ABCA5: variants seen among roughly 807,000 people sequenced by gnomAD.
ABCA5 encodes ATP binding cassette subfamily A member 5.
Under a neutral mutation model 206.0 loss-of-function variants are expected in ABCA5, and 163 were observed. The ratio of observed to expected loss-of-function variants is 0.79; its 90% CI spans 0.70 to 0.90. ABCA5 has a LOEUF of 0.90. Ranked by LOEUF, ABCA5 falls within the 40% of genes least tolerant of loss-of-function variation. The pLI, the probability that ABCA5 is intolerant of heterozygous loss-of-function variation, is 0.00. For missense variants in ABCA5, 1,859 were observed against 1,912.9 expected, an observed-to-expected ratio of 0.97 and a Z score of 0.53; for synonymous variants, 609 against 613.8, an observed-to-expected ratio of 0.99 and a Z score of 0.11.
intron 5 of ABCA5, 73 bp from the exon 6 acceptor site, chr17:69,307,027 A>C: frequency 9.3e-7 from 1 of 1,078,618 alleles, no homozygotes; most frequent in Non-Finnish European, 1.3e-6. Flanking sequence ...CGGGACAGCT[A>C]TATCCCTAAA....
In ABCA5 at chr17:69,274,095, C is replaced by G; in HGVS notation, c.2628G>C (p.Gln876His). The G allele has an allele frequency of 1.3e-6, 2 of 1,580,460 alleles. No homozygotes were observed. Among genetic ancestry groups the G allele is most frequent in the Non-Finnish European group, 1.7e-6 (2 of 1,169,850 alleles). The change falls in exon 20 of 39, where the codon CAG (glutamine) becomes CAC (histidine). Residue 876 changes from glutamine (Q) to histidine (H), a missense_variant. Physicochemically the swap from Gln to His is conservative, Grantham distance 24. Coordinates refer to ENST00000392676, the MANE Select transcript of ABCA5 (RefSeq NM_172232.4). ...AGTGATGAACCAAAAACATAAAAAT[C>G]TGAACTGTGAAAAAAATTAAAAGCA... ...LLLLLIFFTV[Q>H]IFMFLVHHSF...
rs768229049 is a variant in ABCA5 at position 69,245,834 on chromosome 17, T to C, written c.*1703A>G. ...GTGCAAAAGCAGGTAATTTTCTTCA[T>C]TAGTCATGCTCTATCTTCAGATGAC... On this transcript the variant is annotated 3_prime_UTR_variant, in exon 39 of 39. Transcript: ENST00000392676. 9.9e-5 allele frequency: 15 copies of C among 152,006 alleles called. No individual in the cohort carries two copies. The highest frequency in any genetic ancestry group is 4.6e-4 in the Admixed American group (7 of 15,260). 9.4% of individuals were successfully genotyped at this position (152,006 alleles called of 1,614,324 possible).
chr17:69,266,600 AAAAAT>A (rs1292769402), intron 23 of ABCA5, among the ~76,000 whole-genome samples: 1 of 147,392 alleles, frequency 6.8e-6, no homozygotes, highest in Admixed American at 6.8e-5. Flanking sequence ...AAAAAAATTA[AAAAAT>A]AAATAAATAA....
intron 24 of ABCA5, among the ~76,000 whole-genome samples, chr17:69,263,115 C>T (rs920611581): frequency 6.6e-6 from 1 of 152,002 alleles, no homozygotes; most frequent in Non-Finnish European, 1.5e-5. Context: ...GTTTAAGTGC[C>T]TTATAGATTC....
intron 23 of ABCA5, 143 bp downstream of exon 23, chr17:69,267,800 T>C (rs2075227385): frequency 6.9e-6 from 3 of 432,934 alleles, no homozygotes; most frequent in Non-Finnish European, 1.3e-5. Flanking sequence ...CTTATTACAA[T>C]AAGAAACTAT....
intron 26 of ABCA5, 22 bp downstream of exon 26, chr17:69,261,103 T>C (rs941744097): frequency 1.3e-6 from 2 of 1,503,688 alleles, no homozygotes; most frequent in Non-Finnish European, 1.8e-6. Context: ...TTTTAACATA[T>C]TAAAATATTT....
intron 22 of ABCA5, among the ~76,000 whole-genome samples, chr17:69,268,544 C>A (rs1388036438): frequency 6.6e-6 from 1 of 151,848 alleles, no homozygotes; most frequent in Admixed American, 6.6e-5. Flanking sequence ...AATTAACTCC[C>A]ACAGGCCCCA....
At chr17:69,278,125 T>A (rs2075353977) in intron 18 of ABCA5, among the ~76,000 whole-genome samples, 1 of 152,104 alleles carries the variant, frequency 6.6e-6, no homozygotes, top group Non-Finnish European at 1.5e-5. Context: ...AAGAACACTA[T>A]TCTATGGAAT....
intron 1 of ABCA5, among the ~76,000 whole-genome samples, chr17:69,315,829 A>T (rs2075811228): frequency 6.6e-6 from 1 of 152,168 alleles, no homozygotes; most frequent in African/African-American, 2.4e-5. Flanking sequence ...AAAATCAAAG[A>T]TACCAATGCT....
chr17:69,306,873 C>G lies in ABCA5; in HGVS notation c.640G>C (p.Asp214His). ...AAAATTACTCCTCGGGGAAAGGTAT[C>G]TATTTCTACAACAGCAGTTTCTCCC... The part of the protein sequence containing the change: ...IMGETAVVEI[D>H]TFPRGVILIY... Residue 214 changes from aspartate (D) to histidine (H), a missense_variant, in exon 6 of 39, where the codon GAT becomes CAT. Physicochemically the swap from Asp to His is moderately conservative, Grantham distance 81. Coordinates refer to ENST00000392676, the MANE Select transcript of ABCA5 (RefSeq NM_172232.4). 1.2e-6 allele frequency: 2 copies of G among 1,601,658 alleles called. No homozygotes were observed. Among genetic ancestry groups the G allele is most frequent in the Non-Finnish European group, 1.7e-6 (2 of 1,173,368 alleles).
intron 19 of ABCA5, among the ~76,000 whole-genome samples, chr17:69,275,065 A>G (rs144015753): frequency 6.6e-6 from 1 of 151,984 alleles, no homozygotes. Flanking sequence ...ACTGGTCTCA[A>G]ACTCCTGGCC....
chr17:69,274,789 T>A (rs1487311661), intron 19 of ABCA5, among the ~76,000 whole-genome samples: 1 of 151,608 alleles, frequency 6.6e-6, no homozygotes, highest in Non-Finnish European at 1.5e-5. Context: ...AATATTTGTC[T>A]CTACTCCTGA....
At chr17:69,282,101 C>T (rs2075400357) in intron 18 of ABCA5, among the ~76,000 whole-genome samples, 1 of 152,216 alleles carries the variant, frequency 6.6e-6, no homozygotes, top group East Asian at 1.9e-4. Flanking sequence ...AAGATCACCA[C>T]TCTTACAGTC....
intron 22 of ABCA5, 138 bp from the exon 23 acceptor site, chr17:69,268,194 C>A: frequency 1.9e-6 from 1 of 537,874 alleles, no homozygotes; most frequent in Non-Finnish European, 3.4e-6. Flanking sequence ...CAGGCATAGT[C>A]TACATGAAAG....
At chr17:69,273,043 TTTGAAAA>T (rs1411475578) in intron 20 of ABCA5, among the ~76,000 whole-genome samples, 1 of 152,178 alleles carries the variant, frequency 6.6e-6, no homozygotes, top group Non-Finnish European at 1.5e-5. Flanking sequence ...CTTTTAATAT[TTTGAAAA>T]TCAGAACACT....
In ABCA5 at chr17:69,306,710, T is replaced by A; in HGVS notation, c.788+15A>T. 3.2e-6 allele frequency: 4 copies of A among 1,256,748 alleles called. No homozygotes were observed. The highest frequency in any genetic ancestry group is 4.2e-6 in the Non-Finnish European group (4 of 956,690). The allele number at this position is 1,256,748 out of a possible 1,614,324, so 77.8% of individuals were successfully genotyped here. A position where few individuals can be genotyped will look rare whatever the true frequency, so the allele number is the denominator to read the frequency against. On this transcript the variant is annotated intron_variant, in intron 6 of 38. Transcript: ENST00000392676. ...ATTTTTAATTATATTAAGTAATAAATTTTTAATAACATACCAAAAGGCAGT... is the reference window on the plus strand; with the variant it reads ...ATTTTTAATTATATTAAGTAATAAAATTTTAATAACATACCAAAAGGCAGT...
chr17:69,266,990 T>C (rs2075216547), intron 23 of ABCA5, among the ~76,000 whole-genome samples: 1 of 152,006 alleles, frequency 6.6e-6, no homozygotes, highest in Non-Finnish European at 1.5e-5. Context: ...TTCTCCTGCC[T>C]CACCCTCCTG....
intron 10 of ABCA5, among the ~76,000 whole-genome samples, chr17:69,294,996 T>C (rs999524753): frequency 1.6e-4 from 24 of 152,202 alleles, no homozygotes; most frequent in African/African-American, 5.3e-4. Context: ...CTACTATTGA[T>C]AAGAAGTCTT....
chr17:69,274,825 A>G (rs1474899245), intron 19 of ABCA5, among the ~76,000 whole-genome samples: 1 of 143,924 alleles, frequency 6.9e-6, no homozygotes, highest in Non-Finnish European at 1.5e-5. Context: ...TCCTGTCTCT[A>G]TCTTAACCAT....
Sources: gnomAD v4.1 joint callset for allele counts (sites outside exome capture counted in the v4.1 genomes callset) on GRCh38, gnomAD v4.1.1 for gene constraint, MANE v1.5 for transcripts, NCBI Gene and HGNC (gene_info 2026-07-23, HGNC 2026-07-21) for gene names.